RAD51: variants seen among roughly 807,000 people sequenced by gnomAD.
RAD51 encodes RAD51 recombinase, also known as DNA repair protein RAD51 homolog 1.
RAD51 carries 14 observed loss-of-function variants against 41.5 expected under a neutral mutation model. That is an observed-to-expected ratio of 0.34 (90% CI 0.22 to 0.53). The LOEUF (loss-of-function observed/expected upper bound fraction) is 0.53. Among genes scored for constraint, RAD51 ranks in the 20% least tolerant of loss-of-function variants. The probability of loss-of-function intolerance (pLI) is 0.95; values close to 1 mark genes in which losing one functional copy is unlikely to be tolerated. For missense variants in RAD51, 234 were observed against 422.0 expected (o/e 0.55, Z 3.90); for synonymous variants, 136 against 148.6 (o/e 0.92, Z 0.62).
At chr15:40,729,315 GT>G (rs1266421390) in intron 7 of RAD51, among the ~76,000 whole-genome samples, 189 bp from the exon 8 acceptor site, 2 of 140,288 alleles carry the variant, frequency 1.4e-5, no homozygotes, top group African/African-American at 5.3e-5. Flanking sequence ...AGAGCTTGCA[GT>G]GAGCCAAGAA....
chr15:40,701,236 G>A (rs1388440803), intron 3 of RAD51, 35 bp downstream of exon 3: 3 of 1,609,322 alleles, frequency 1.9e-6, no homozygotes, highest in Admixed American at 1.7e-5. Flanking sequence ...GGAGGCATTA[G>A]TGGGAATAGT....
Position 40,699,775 on chromosome 15 carries a change from A to T in RAD51, c.87+930A>T, listed in dbSNP as rs534664641. On this transcript the variant is annotated intron_variant, in intron 2 of 9. Transcript: ENST00000267868. ...TATAAGAGACAAGCTCCAATTCAGGATTCTGCACAAGAACATTAAGCACCA... is the reference window on the plus strand; with the variant it reads ...TATAAGAGACAAGCTCCAATTCAGGTTTCTGCACAAGAACATTAAGCACCA... Among the ~76,000 whole-genome samples the T allele has an allele frequency of 2.0e-5, 3 of 152,304 alleles. 1 individual carries two copies. The South Asian group carries it at 6.2e-4, about 32-fold the overall frequency.
intron 6 of RAD51, among the ~76,000 whole-genome samples, chr15:40,724,877 T>G (rs1398438064): frequency 1.5e-5 from 2 of 129,340 alleles, no homozygotes; most frequent in African/African-American, 3.0e-5. Context: ...TAATTTTTTT[T>G]AATTTTTTTT....
At chr15:40,724,671 T>TTTG (rs1478839985) in intron 6 of RAD51, among the ~76,000 whole-genome samples, 4,685 of 101,652 alleles carry the variant, frequency 0.046, 434 homozygotes, top group South Asian at 0.092. Context: ...AATTTTTTTA[T>TTTG]TTCTTTTTTT....
chr15:40,729,303 G>A (rs1303054726), intron 7 of RAD51, among the ~76,000 whole-genome samples: 1 of 147,710 alleles, frequency 6.8e-6, no homozygotes, highest in African/African-American at 2.5e-5. Flanking sequence ...AACCCGGGAG[G>A]CAGAGCTTGC....
chr15:40,698,491 C>A (rs1019527200), intron 1 of RAD51, among the ~76,000 whole-genome samples: 1 of 152,106 alleles, frequency 6.6e-6, no homozygotes, highest in Non-Finnish European at 1.5e-5. Flanking sequence ...CCGCCAAGAT[C>A]AACTTTTTTA....
intron 5 of RAD51, among the ~76,000 whole-genome samples, chr15:40,710,111 G>A (rs891996809): frequency 1.7e-4 from 25 of 151,268 alleles, no homozygotes; most frequent in African/African-American, 3.4e-4. Context: ...GCGTGGTGGC[G>A]GGTGCCTGTA....
Position 40,731,107 on chromosome 15 carries a change from TCTCC to T in RAD51, c.952_955del (p.Pro318ValfsTer54), listed in dbSNP as rs1896858539. 1 of 1,613,936 alleles carries T rather than the reference TCTCC, an allele frequency of 6.2e-7. No individual in the cohort carries two copies. The highest frequency in any genetic ancestry group is 8.5e-7 in the Non-Finnish European group (1 of 1,179,986). On this transcript the variant is annotated frameshift_variant, in exon 10 of 10. Transcript: ENST00000267868. LOFTEE classifies it high-confidence loss of function. ...AACCAGAATCTGCAAAATCTACGAC[TCTCC>T]CTGTCTTCCTGAAGCTGAAGCTATG...
Position 40,701,047 on chromosome 15 carries a change from G to A in RAD51, c.88-17G>A. 1.9e-6 allele frequency: 3 copies of A among 1,614,080 alleles called. No individual in the cohort carries two copies. Among genetic ancestry groups the A allele is most frequent in the Non-Finnish European group, 2.5e-6 (3 of 1,179,998 alleles). On this transcript the variant is annotated splice_polypyrimidine_tract_variant and intron_variant, in intron 2 of 9. Transcript: ENST00000267868. The stretch of plus-strand genomic sequence containing the variant: ...GAACTAAAGCTTAAATTTATCCATG[G>A]TTTTCTTCATTTGCAGCAGTGTGGC...
chr15:40,697,203 C>T (rs540708403), intron 1 of RAD51, among the ~76,000 whole-genome samples: 34 of 152,262 alleles, frequency 2.2e-4, no homozygotes, highest in African/African-American at 6.7e-4. Context: ...CGGGTTCAAG[C>T]GATTCTCCTG....
Position 40,713,995 on chromosome 15 carries a change from T to A in RAD51, c.436-4810T>A, listed in dbSNP as rs766598045. Among the ~76,000 whole-genome samples, 154 of 20,376 alleles carry A rather than the reference T, an allele frequency of 7.6e-3. 1 individual carries two copies. The highest frequency in any genetic ancestry group is 0.021 in the Admixed American group (36 of 1,690). The allele number at this position is 20,376 out of a possible 152,430, so 13.4% of individuals were successfully genotyped here. A position where few individuals can be genotyped will look rare whatever the true frequency, so the allele number is the denominator to read the frequency against. The stretch of plus-strand genomic sequence containing the variant: ...GTTAACTCTCCTCAGAAATAAATTC[T>A]TTTTTTTTTTTTTTTTTGAGATTGG... On this transcript the variant is annotated intron_variant, in intron 5 of 9. Transcript: ENST00000267868.
chr15:40,710,269 A>AAAAAAG lies in RAD51; in HGVS notation c.435+1154_435+1155insAAAAGA, dbSNP rs1555427504. On this transcript the variant is annotated intron_variant, in intron 5 of 9. Coordinates refer to ENST00000267868, the MANE Select transcript of RAD51 (RefSeq NM_002875.5). ...AAAAAAAAAAAAAAAAAAAAAAAAA[A>AAAAAAG]AGAAGAAGAAAAAAAAAAGATCAGG... 1.2e-4 allele frequency among the ~76,000 whole-genome samples: 13 copies of AAAAAAG among 104,362 alleles called. 1 individual carries two copies. Among genetic ancestry groups the AAAAAAG allele is most frequent in the African/African-American group, 5.6e-4 (13 of 23,234 alleles). 68.5% of individuals were successfully genotyped at this position (104,362 alleles called of 152,430 possible).
Position 40,731,312 on chromosome 15 carries a change from A to G in RAD51, c.*134A>G, listed in dbSNP as rs1232046948. 2 of 1,220,368 alleles carry G rather than the reference A, an allele frequency of 1.6e-6. No homozygotes were observed. Among genetic ancestry groups the G allele is most frequent in the Non-Finnish European group, 2.4e-6 (2 of 849,070 alleles). 75.6% of individuals were successfully genotyped at this position (1,220,368 alleles called of 1,614,324 possible). A position where few individuals can be genotyped will look rare whatever the true frequency, so the allele number is the denominator to read the frequency against. On this transcript the variant is annotated 3_prime_UTR_variant, in exon 10 of 10. Coordinates refer to ENST00000267868, the MANE Select transcript of RAD51 (RefSeq NM_002875.5). Reference sequence around the variant, plus strand: ...AAGCTTCCGGGAAAACAGCTATTATATCAGCTTTTCTGATGGTATAAACAG... The same window carrying G: ...AAGCTTCCGGGAAAACAGCTATTATGTCAGCTTTTCTGATGGTATAAACAG...
At chr15:40,728,975 G>A (rs1896728521) in intron 7 of RAD51, 151 bp downstream of exon 7, 1 of 721,894 alleles carries the variant, frequency 1.4e-6, no homozygotes, top group Admixed American at 2.3e-5. Context: ...TTGTAGTTTA[G>A]GTCAAGTCAC....
intron 5 of RAD51, among the ~76,000 whole-genome samples, chr15:40,712,435 C>A (rs914871409): frequency 3.9e-5 from 6 of 152,144 alleles, no homozygotes; most frequent in Admixed American, 6.6e-5. Flanking sequence ...AAAATGGAAT[C>A]TGGAAACGAA....
chr15:40,696,590 C>T (rs1894652489), intron 1 of RAD51, among the ~76,000 whole-genome samples: 1 of 152,208 alleles, frequency 6.6e-6, no homozygotes, highest in African/African-American at 2.4e-5. Flanking sequence ...GTAATCACCA[C>T]TTAATAGAAT....
At chr15:40,718,665 A>T in intron 5 of RAD51, 140 bp from the exon 6 acceptor site, 1 of 730,946 alleles carries the variant, frequency 1.4e-6, no homozygotes, top group South Asian at 1.5e-5. Context: ...ATCAGAAGGG[A>T]ATGCCTCCTT....
chr15:40,713,692 C>T (rs529289828), intron 5 of RAD51, among the ~76,000 whole-genome samples: 25 of 150,842 alleles, frequency 1.7e-4, no homozygotes, highest in African/African-American at 3.4e-4. Flanking sequence ...CTGCAAGCTC[C>T]GCCTCCTGGG....
Position 40,701,920 on chromosome 15 carries a change from A to T in RAD51, c.225+719A>T, listed in dbSNP as rs180732786. The T allele has an allele frequency of 1.9e-4, 69 of 355,496 alleles. No homozygotes were observed. Among genetic ancestry groups the T allele is most frequent in the Non-Finnish European group, 3.4e-4 (63 of 182,682 alleles). The allele number at this position is 355,496 out of a possible 1,614,324, so 22.0% of individuals were successfully genotyped here. On this transcript the variant is annotated intron_variant, in intron 3 of 9. Coordinates refer to ENST00000267868, the MANE Select transcript of RAD51 (RefSeq NM_002875.5). ...TGCCTCAGCCTCCCGAGTAGTTGGG[A>T]CTACAGGTATGTGCCACCACACCCA...
Sources: gnomAD v4.1 joint callset for allele counts (sites outside exome capture counted in the v4.1 genomes callset) on GRCh38, gnomAD v4.1.1 for gene constraint, MANE v1.5 for transcripts, NCBI Gene and HGNC (gene_info 2026-07-23, HGNC 2026-07-21) for gene names.